OPCML: variants seen among roughly 807,000 people sequenced by gnomAD.
The protein encoded by OPCML is opioid-binding protein/cell adhesion molecule.
Under a neutral mutation model 37.8 loss-of-function variants are expected in OPCML, and 13 were observed. The ratio of observed to expected loss-of-function variants is 0.34; its 90% confidence interval spans 0.22 to 0.55. The LOEUF is 0.55. Ranked by LOEUF, OPCML falls within the 20% of genes least tolerant of loss-of-function variation. OPCML has a pLI of 0.91. For missense variants in OPCML, 341 were observed against 435.6 expected, an observed-to-expected ratio of 0.78 and a Z score of 1.93; for synonymous variants, 176 against 168.8, an observed-to-expected ratio of 1.04 and a Z score of -0.33.
intron 1 of OPCML, among the ~76,000 whole-genome samples, chr11:133,134,852 G>T (rs1011746010): frequency 6.6e-6 from 1 of 152,128 alleles, no homozygotes; most frequent in Non-Finnish European, 1.5e-5. Context: ...CACCAGTAAG[G>T]TTCCTTGGCT....
At chr11:132,611,678 T>C (rs763256868) in intron 3 of OPCML, among the ~76,000 whole-genome samples, 1 of 152,018 alleles carries the variant, frequency 6.6e-6, no homozygotes, top group Non-Finnish European at 1.5e-5. Flanking sequence ...TGGATGTGTG[T>C]GGGGAGAAAG....
At chr11:132,493,554 T>C (rs1489601050) in intron 4 of OPCML, among the ~76,000 whole-genome samples, 2 of 152,162 alleles carry the variant, frequency 1.3e-5, no homozygotes, top group Non-Finnish European at 2.9e-5. Flanking sequence ...TATATTTCCC[T>C]CTCCCTTTCT....
At chr11:132,784,045 A>G (rs1014202372) in intron 2 of OPCML, among the ~76,000 whole-genome samples, 1 of 152,182 alleles carries the variant, frequency 6.6e-6, no homozygotes, top group Admixed American at 6.5e-5. Context: ...TAGTATCCTA[A>G]ATATACTAAA....
chr11:132,441,163 TTG>T (rs1480303019), intron 4 of OPCML, among the ~76,000 whole-genome samples: 6,538 of 98,462 alleles, frequency 0.066, 1,345 homozygotes, highest in African/African-American at 0.35. Flanking sequence ...AAGGACTTTT[TTG>T]TTTTTTTTTT....
intron 1 of OPCML, among the ~76,000 whole-genome samples, chr11:133,077,882 G>A (rs1421724612): frequency 6.6e-6 from 1 of 152,162 alleles, no homozygotes; most frequent in Non-Finnish European, 1.5e-5. Context: ...TCAGAATGTG[G>A]AATACAAGCA....
chr11:132,931,401 G>T (rs1031849147), intron 2 of OPCML, among the ~76,000 whole-genome samples: 5 of 152,064 alleles, frequency 3.3e-5, no homozygotes, highest in African/African-American at 1.2e-4. Flanking sequence ...GAATGGGAGG[G>T]AATATTTGTG....
At position 133,125,491 on chromosome 11, in the gene OPCML, C is replaced by T. The variant is rs1000817558; in HGVS notation, c.62-182481G>A. Among the ~76,000 whole-genome samples the T allele has an allele frequency of 7.3e-5, 11 of 151,016 alleles. No individual in the cohort carries two copies. In the East Asian group the frequency reaches 1.9e-3, roughly 27 times the overall value. ...ATATTTATATCATCATTCTATAATC[C>T]CTCCCCTAATGGTTGTATGTGAACT... is the stretch of plus-strand genomic sequence containing the variant. On this transcript the variant is annotated intron_variant, in intron 1 of 7. Transcript: ENST00000524381.
At chr11:133,171,242 T>C (rs1950284844) in intron 1 of OPCML, among the ~76,000 whole-genome samples, 1 of 152,220 alleles carries the variant, frequency 6.6e-6, no homozygotes, top group South Asian at 2.1e-4. Flanking sequence ...CCAGTTTGCT[T>C]TGTGGGGTCA....
chr11:132,488,019 T>C (rs1324414187), intron 4 of OPCML, among the ~76,000 whole-genome samples: 1 of 152,244 alleles, frequency 6.6e-6, no homozygotes, highest in South Asian at 2.1e-4. Flanking sequence ...GGCTCCAGCC[T>C]ACCTTTGCAG....
At chr11:133,299,238 A>AG (rs1257006600) in intron 1 of OPCML, 1 of 152,234 alleles carries the variant, frequency 6.6e-6, no homozygotes, top group Non-Finnish European at 1.5e-5. Context: ...TGCAAAACAA[A>AG]GAGGCAACTC....
At chr11:132,479,587 A>G (rs1022305627) in intron 4 of OPCML, among the ~76,000 whole-genome samples, 6 of 152,196 alleles carry the variant, frequency 3.9e-5, no homozygotes, top group African/African-American at 1.4e-4. Flanking sequence ...CAGACAAACA[A>G]AAAGACAGCA....
intron 1 of OPCML, among the ~76,000 whole-genome samples, chr11:133,156,809 C>G (rs547013872): frequency 1.8e-4 from 27 of 152,024 alleles, no homozygotes; most frequent in Non-Finnish European, 3.2e-4. Context: ...ACCAAGCAAG[C>G]AGAACAAAAA....
chr11:133,076,343 G>A (rs995153217), intron 1 of OPCML, among the ~76,000 whole-genome samples: 5 of 152,124 alleles, frequency 3.3e-5, no homozygotes, highest in South Asian at 2.1e-4. Context: ...TGAGAGGCAG[G>A]TGATGTCTGG....
intron 1 of OPCML, among the ~76,000 whole-genome samples, chr11:133,315,411 A>C (rs1943181844): frequency 6.6e-6 from 1 of 152,170 alleles, no homozygotes; most frequent in Admixed American, 6.5e-5. Context: ...ACTTAGGAAA[A>C]CCACTACTAG....
intron 1 of OPCML, among the ~76,000 whole-genome samples, chr11:133,238,905 A>G (rs1164857800): frequency 6.6e-6 from 1 of 152,202 alleles, no homozygotes; most frequent in East Asian, 1.9e-4. Context: ...AGTCCCTACC[A>G]CAGGCAGCCA....
At chr11:133,424,476 T>C (rs568716651) in intron 1 of OPCML, among the ~76,000 whole-genome samples, 2 of 152,222 alleles carry the variant, frequency 1.3e-5, no homozygotes, top group Non-Finnish European at 2.9e-5. Context: ...TATAATTTTA[T>C]ACACTTTTAT....
chr11:132,496,914 A>G (rs569330573), intron 4 of OPCML, among the ~76,000 whole-genome samples: 5 of 152,316 alleles, frequency 3.3e-5, no homozygotes, highest in African/African-American at 9.6e-5. Flanking sequence ...CTTCTCCTCA[A>G]TAATAACGAT....
At chr11:133,057,798 T>C (rs1320614568) in intron 1 of OPCML, among the ~76,000 whole-genome samples, 1 of 152,114 alleles carries the variant, frequency 6.6e-6, no homozygotes, top group Non-Finnish European at 1.5e-5. Context: ...CTCAAGTCCT[T>C]AGTACTCTCA....
rs145276849 is a variant in OPCML, at chr11:133,447,354, G to A, written c.61+84910C>T. Among the ~76,000 whole-genome samples the A allele has an allele frequency of 1.5e-3, 231 of 152,142 alleles. 1 individual carries two copies. The highest frequency in any genetic ancestry group is 6.8e-3 in the Middle Eastern group (2 of 294). On this transcript the variant is annotated intron_variant, in intron 1 of 7. Transcript: ENST00000524381. ...AAGAGATACCTATTTAAATCCCTTG[G>A]TCTTCTGTTTTTAATAAATTTAACT...
Sources: allele counts gnomAD v4.1 joint callset (sites outside exome capture counted in the v4.1 genomes callset), GRCh38; gene constraint gnomAD v4.1.1; transcripts MANE v1.5; gene names NCBI Gene and HGNC (gene_info 2026-07-23, HGNC 2026-07-21).